The following EXOC3L2 variants were observed in gnomAD, a reference collection of about 807,000 sequenced individuals.
EXOC3L2 encodes the protein exocyst complex component 3-like protein 2.
A neutral mutation model predicts 44.4 loss-of-function variants in EXOC3L2; 17 were observed. The observed-to-expected ratio is 0.38, with a 90% confidence interval of 0.26 to 0.57. EXOC3L2 has a LOEUF of 0.57. Ranked by LOEUF, EXOC3L2 falls within the 20% of genes least tolerant of loss-of-function variation. The pLI, the probability that EXOC3L2 is intolerant of heterozygous loss-of-function variation, is 0.65. For synonymous variants in EXOC3L2, 256 were observed against 253.7 expected, an observed-to-expected ratio of 1.01 and a Z score of -0.09; for missense variants, 541 against 588.4, an observed-to-expected ratio of 0.92 and a Z score of 0.83.
At chr19:45,233,140 C>T (rs1181756740) in intron 3 of EXOC3L2, among the ~76,000 whole-genome samples, 3 of 152,046 alleles carry the variant, frequency 2.0e-5, no homozygotes, top group Admixed American at 1.3e-4. Flanking sequence ...CACTTGAACC[C>T]GGGAGGCGGA....
intron 8 of EXOC3L2, among the ~76,000 whole-genome samples, chr19:45,218,916 T>C (rs1432013834): frequency 6.6e-6 from 1 of 151,724 alleles, no homozygotes; most frequent in African/African-American, 2.4e-5. Context: ...TGGGCAACAT[T>C]GCGAGACCCC....
chr19:45,217,794 C>A, intron 9 of EXOC3L2, 111 bp from the exon 10 acceptor site: 1 of 1,254,884 alleles, frequency 8.0e-7, no homozygotes, highest in Non-Finnish European at 1.0e-6. Flanking sequence ...CTCCGGGCAC[C>A]CATGGGCACC....
At chr19:45,229,366 A>G (rs999906279) in intron 4 of EXOC3L2, among the ~76,000 whole-genome samples, 5 of 143,932 alleles carry the variant, frequency 3.5e-5, no homozygotes, top group South Asian at 4.3e-4. Flanking sequence ...TATGTAATAT[A>G]TTTATATATT....
rs772113746 is a variant in EXOC3L2 at position 45,213,078 on chromosome 19, G to A, written c.2400C>T (p.Ala800=). Residue 800 remains alanine, a synonymous_variant, in exon 12 of 12, where the codon GCC becomes GCT. Transcript: ENST00000413988. The part of the protein sequence containing the change: ...PRPPSLARPR[A]QR ...GGCGGTTGGGTGACCCTCAGCGCTG[G>A]GCCCGAGGTCGCGCTAGAGACGGAG... is the stretch of plus-strand genomic sequence containing the variant. 2 of 1,497,984 alleles carry A rather than the reference G, an allele frequency of 1.3e-6. No homozygotes were observed. Among genetic ancestry groups the A allele is most frequent in the Non-Finnish European group, 1.8e-6 (2 of 1,129,030 alleles). The allele number at this position is 1,497,984 out of a possible 1,614,324, so 92.8% of individuals were successfully genotyped here.
Position 45,228,183 on chromosome 19 carries a change from C to T in EXOC3L2, c.1353G>A (p.Leu451=). 1 of 1,614,126 alleles carries T rather than the reference C, an allele frequency of 6.2e-7. No individual in the cohort carries two copies. Among genetic ancestry groups the T allele is most frequent in the Non-Finnish European group, 8.5e-7 (1 of 1,180,014 alleles). ...CTCCTACCTCACACACATCCTGGGC[C>T]AGGCTGCTGGGCTGGTCCTCCAGGC... The part of the protein sequence containing the change: ...WGSLEDQPSS[L]AQDVCELLEE... Residue 451 remains leucine, a synonymous_variant, in exon 5 of 12, where the codon CTG becomes CTA. Coordinates refer to ENST00000413988, the MANE Select transcript of EXOC3L2 (RefSeq NM_001382422.1).
intron 8 of EXOC3L2, among the ~76,000 whole-genome samples, 170 bp downstream of exon 8, chr19:45,224,608 A>G (rs1342471781): frequency 6.6e-6 from 1 of 151,594 alleles, no homozygotes; most frequent in African/African-American, 2.4e-5. Context: ...CGGTGGGTGC[A>G]CCCTCTCCAC....
At position 45,238,508 on chromosome 19, in the gene EXOC3L2, G is replaced by C; in HGVS notation, c.523+15C>G. 2.5e-6 allele frequency: 1 copy of C among 399,588 alleles called. No homozygotes were observed. Among genetic ancestry groups the C allele is most frequent in the Non-Finnish European group, 4.4e-6 (1 of 226,248 alleles). The allele number at this position is 399,588 out of a possible 1,614,324, so 24.8% of individuals were successfully genotyped here. On this transcript the variant is annotated intron_variant, in intron 2 of 11. Coordinates refer to ENST00000413988, the MANE Select transcript of EXOC3L2 (RefSeq NM_001382422.1). This position sits in a 1 kb window ranked among gnomAD's most constrained non-coding sequence, Gnocchi z 5.5. ...CTGGGATTCTCCCAGGACAGGGTCA[G>C]GGCTCCGGACTCACCTGACAATGGC...
chr19:45,227,545 G>T, intron 7 of EXOC3L2, 117 bp downstream of exon 7: 1 of 765,948 alleles, frequency 1.3e-6, no homozygotes, highest in Non-Finnish European at 2.2e-6. Flanking sequence ...TGCGTCTAAG[G>T]TCCCATGCTC....
In EXOC3L2 at chr19:45,213,305, C is replaced by T. The variant is rs1252574090; in HGVS notation, c.2173G>A (p.Ala725Thr). Residue 725 changes from alanine to threonine, a missense_variant, in exon 12 of 12, where the codon GCC becomes ACC. Transcript: ENST00000413988. ...LDIRGLRNTA[A>T]RQEILAVARD... Reference sequence around the variant, plus strand: ...GCCACGGCCAGGATCTCCTGGCGGGCGGCTGTGTTGCGCAGGCCACGGATG... The same window carrying T: ...GCCACGGCCAGGATCTCCTGGCGGGTGGCTGTGTTGCGCAGGCCACGGATG... 1.1e-5 allele frequency: 18 copies of T among 1,613,536 alleles called. No homozygotes were observed. Among genetic ancestry groups the T allele is most frequent in the South Asian group, 3.3e-5 (3 of 91,056 alleles).
intron 11 of EXOC3L2, among the ~76,000 whole-genome samples, chr19:45,215,182 A>T (rs1033963451): frequency 3.3e-5 from 5 of 152,066 alleles, no homozygotes; most frequent in African/African-American, 1.2e-4. Context: ...TACCCCTTAT[A>T]AAGTTGGCAT....
At chr19:45,219,896 G>C (rs1395134836) in intron 8 of EXOC3L2, among the ~76,000 whole-genome samples, 1 of 152,166 alleles carries the variant, frequency 6.6e-6, no homozygotes, top group Admixed American at 6.6e-5. Flanking sequence ...AAGGGGCCAG[G>C]CATGGTGGCT....
chr19:45,227,717 G>A lies in EXOC3L2; in HGVS notation c.1528C>T (p.Pro510Ser), dbSNP rs1201909513. 4 of 1,613,208 alleles carry A rather than the reference G, an allele frequency of 2.5e-6. No homozygotes were observed. The South Asian group carries it at 3.3e-5, about 13-fold the overall frequency. Reference protein sequence around the residue: ...HENPAVREMLPDTYISKTIAL... With the variant: ...HENPAVREMLSDTYISKTIAL... ...ATGGTCTTGCTGATATAGGTGTCAG[G>A]TAGCATCTCCCGGACTGCTGGGTTC... The change falls in exon 7 of 12, where the codon CCT (proline) becomes TCT (serine). Residue 510 changes from proline to serine, a missense_variant. By Grantham distance (74) the Pro-to-Ser change is moderately conservative. Transcript: ENST00000413988.
At chr19:45,235,594 C>T (rs67915086) in intron 2 of EXOC3L2, among the ~76,000 whole-genome samples, 1 of 151,816 alleles carries the variant, frequency 6.6e-6, no homozygotes, top group Non-Finnish European at 1.5e-5. Context: ...TCGAGAAAGG[C>T]GAGTCGGGCT....
intron 4 of EXOC3L2, 41 bp downstream of exon 4, chr19:45,231,722 C>T: frequency 6.4e-7 from 1 of 1,562,036 alleles, no homozygotes; most frequent in Non-Finnish European, 8.8e-7. Context: ...CCCCCTCCCT[C>T]CACAGCACCT....
At chr19:45,230,966 G>A (rs1970025275) in intron 4 of EXOC3L2, among the ~76,000 whole-genome samples, 1 of 151,752 alleles carries the variant, frequency 6.6e-6, no homozygotes, top group South Asian at 2.1e-4. Context: ...GTGTGTGCCT[G>A]TAATCCCAGC....
chr19:45,228,502 C>T (rs771616014), intron 4 of EXOC3L2, among the ~76,000 whole-genome samples: 4 of 152,064 alleles, frequency 2.6e-5, no homozygotes, highest in Non-Finnish European at 5.9e-5. Flanking sequence ...TTTGGCCAAG[C>T]GCGATGGCTC....
chr19:45,212,760 A>C lies in EXOC3L2; in HGVS notation c.*309T>G, dbSNP rs1245707300. ...CAGGCACACACCACCGTGCCCAGCT[A>C]ATTTTTTATTTTTTGTAGAGATAGG... On this transcript the variant is annotated 3_prime_UTR_variant, in exon 12 of 12. Transcript: ENST00000413988. The C allele has an allele frequency of 8.4e-5, 22 of 261,948 alleles. No homozygotes were observed. The highest frequency in any genetic ancestry group is 7.8e-5 in the East Asian group (1 of 12,838). The allele number at this position is 261,948 out of a possible 1,614,324, so 16.2% of individuals were successfully genotyped here.
At chr19:45,241,149 C>T (rs1306017562) in intron 1 of EXOC3L2, among the ~76,000 whole-genome samples, 5 of 152,116 alleles carry the variant, frequency 3.3e-5, no homozygotes, top group Non-Finnish European at 1.5e-5. Flanking sequence ...TCCCTGGTCC[C>T]CAGCCTCTAG....
At chr19:45,228,928 G>A (rs931446814) in intron 4 of EXOC3L2, among the ~76,000 whole-genome samples, 10 of 151,852 alleles carry the variant, frequency 6.6e-5, no homozygotes, top group South Asian at 2.1e-4. Context: ...AAAATTAGCC[G>A]GGCGTGGTGG....
Sources: gnomAD v4.1 joint callset for allele counts (sites outside exome capture counted in the v4.1 genomes callset) on GRCh38, gnomAD v4.1.1 for gene constraint, Gnocchi (gnomAD v3.1) non-coding constraint, MANE v1.5 for transcripts, NCBI Gene and HGNC (gene_info 2026-07-23, HGNC 2026-07-21) for gene names.